The following SPDYE10 variants were observed in gnomAD, a reference collection of about 807,000 sequenced individuals.
SPDYE10 encodes the protein speedy protein E10.
chr7:73,135,102 T>C, the SPDYE10 span, among the ~76,000 whole-genome samples: 1 of 152,260 alleles, frequency 6.6e-6, no homozygotes, highest in Non-Finnish European at 1.5e-5. Flanking sequence ...TAGGTGTTCC[T>C]TCACCACCTC....
chr7:73,113,738 A>C, the SPDYE10 span, among the ~76,000 whole-genome samples: 1 of 152,112 alleles, frequency 6.6e-6, no homozygotes, highest in East Asian at 1.9e-4. Flanking sequence ...TACTAAAAAT[A>C]CAAAAAATTA....
At chr7:73,134,357 A>G in the SPDYE10 span, among the ~76,000 whole-genome samples, 2 of 132,028 alleles carry the variant, frequency 1.5e-5, no homozygotes, top group East Asian at 4.6e-4. Context: ...AACATCACAC[A>G]CCAGGGCCTG....
the SPDYE10 span, among the ~76,000 whole-genome samples, chr7:73,131,242 G>A: frequency 2.8e-5 from 4 of 141,228 alleles, no homozygotes; most frequent in Admixed American, 6.9e-5. Flanking sequence ...AGAGCAAGAG[G>A]CCAGAAGGAA....
At chr7:73,144,950 G>C in the SPDYE10 span, among the ~76,000 whole-genome samples, 665 of 75,132 alleles carry the variant, frequency 8.9e-3, no homozygotes, top group Non-Finnish European at 0.013. Flanking sequence ...AGAGGTTGCA[G>C]TGACTGAGAT....
the SPDYE10 span, among the ~76,000 whole-genome samples, chr7:73,114,823 C>T: frequency 6.7e-6 from 1 of 149,974 alleles, no homozygotes; most frequent in African/African-American, 2.5e-5. Context: ...CAGGTTGGAG[C>T]CACCCAGCCC....
At chr7:73,150,932 ATATATATATATATATATT>A in the SPDYE10 span, among the ~76,000 whole-genome samples, 3 of 22,358 alleles carry the variant, frequency 1.3e-4, no homozygotes, top group Non-Finnish European at 2.2e-4. Flanking sequence ...ATATATATAT[ATATATATATATATATATT>A]TTTTTTTTTT....
chr7:73,128,222 C>A, the SPDYE10 span, among the ~76,000 whole-genome samples: 6 of 149,654 alleles, frequency 4.0e-5, no homozygotes, highest in Admixed American at 2.7e-4. Context: ...GCAAAAAAAG[C>A]AGGTTGCAGA....
At chr7:73,137,618 GAA>G in the SPDYE10 span, among the ~76,000 whole-genome samples, 2 of 141,346 alleles carry the variant, frequency 1.4e-5, no homozygotes, top group Admixed American at 7.2e-5. Flanking sequence ...AAGAAAGAAA[GAA>G]AGAAAGAAAG....
chr7:73,149,441 C>T, the SPDYE10 span, among the ~76,000 whole-genome samples: 24 of 143,120 alleles, frequency 1.7e-4, no homozygotes, highest in African/African-American at 6.3e-4. Context: ...GTGCCCGTCA[C>T]CATGCCCGGC....
chr7:73,135,820 C>T, the SPDYE10 span, among the ~76,000 whole-genome samples: 1 of 84,524 alleles, frequency 1.2e-5, no homozygotes, highest in Non-Finnish European at 2.3e-5. Flanking sequence ...CCCCCCACCT[C>T]GGCCTCCCAA....
the SPDYE10 span, among the ~76,000 whole-genome samples, chr7:73,137,646 A>G: frequency 3.3e-5 from 4 of 121,628 alleles, no homozygotes; most frequent in East Asian, 9.0e-4. Context: ...AAGAAAGGAG[A>G]AAGAAAGAAA....
chr7:73,151,816 C>A, the SPDYE10 span, among the ~76,000 whole-genome samples: 1 of 90,048 alleles, frequency 1.1e-5, no homozygotes, highest in South Asian at 4.1e-4. Context: ...CTGTACCCAG[C>A]CTGTTTAATT....
the SPDYE10 span, among the ~76,000 whole-genome samples, chr7:73,132,393 A>G: frequency 6.6e-6 from 1 of 151,906 alleles, no homozygotes; most frequent in East Asian, 1.9e-4. Flanking sequence ...AGAAAATGAA[A>G]AAAACTAGCC....
At chr7:73,134,981 A>C in the SPDYE10 span, among the ~76,000 whole-genome samples, 14 of 152,284 alleles carry the variant, frequency 9.2e-5, no homozygotes, top group Non-Finnish European at 1.3e-4. Flanking sequence ...GCAGAGAGAG[A>C]TAGGAGGGAA....
chr7:73,143,325 G>A, the SPDYE10 span, among the ~76,000 whole-genome samples: 1 of 151,964 alleles, frequency 6.6e-6, no homozygotes, highest in African/African-American at 2.4e-5. Flanking sequence ...CATGGTGCCA[G>A]CATCTGCTGC....
chr7:73,137,600 AAG>A, the SPDYE10 span, among the ~76,000 whole-genome samples: 1 of 73,918 alleles, frequency 1.4e-5, no homozygotes, highest in Non-Finnish European at 2.7e-5. Flanking sequence ...AGATGAAAGA[AAG>A]AAAGAAAGAA....
chr7:73,147,732 C>T, the SPDYE10 span, among the ~76,000 whole-genome samples: 16 of 151,498 alleles, frequency 1.1e-4, no homozygotes, highest in East Asian at 1.7e-3. Context: ...TGACATCAGG[C>T]GATCCACCTG....
At chr7:73,126,578 A>G in the SPDYE10 span, among the ~76,000 whole-genome samples, 2 of 145,798 alleles carry the variant, frequency 1.4e-5, no homozygotes, top group Non-Finnish European at 3.0e-5. Context: ...CCTCAAATCA[A>G]AAACATACTC....
the SPDYE10 span, among the ~76,000 whole-genome samples, chr7:73,116,927 G>T: frequency 1.3e-5 from 2 of 150,948 alleles, no homozygotes; most frequent in Non-Finnish European, 2.9e-5. Context: ...ACAGAGTCTC[G>T]CTGTGTTGCC....
Sources: gnomAD v4.1 joint callset for allele counts (sites outside exome capture counted in the v4.1 genomes callset) on GRCh38, gnomAD v4.1.1 for gene constraint, MANE v1.5 for transcripts, NCBI Gene and HGNC (gene_info 2026-07-23, HGNC 2026-07-21) for gene names.